The following COL6A5 variants were observed in gnomAD, a reference collection of about 807,000 sequenced individuals.
COL6A5 encodes collagen type VI alpha 5 chain.
Under a neutral mutation model 65.6 loss-of-function variants are expected in COL6A5, and 48 were observed. The observed-to-expected ratio is 0.73, with a 90% CI of 0.58 to 0.93. The LOEUF (loss-of-function observed/expected upper bound fraction) is 0.93, where lower values mean the gene tolerates loss of function less well. Ranked by LOEUF, COL6A5 falls within the 40% of genes least tolerant of loss-of-function variation. COL6A5 has a pLI of 0.00. For missense variants in COL6A5, 914 were observed against 928.3 expected (o/e 0.98, Z 0.20); for synonymous variants, 291 against 322.8 (o/e 0.90, Z 1.05).
intron 6 of COL6A5, among the ~76,000 whole-genome samples, chr3:130,390,031 G>A (rs1497320): frequency 0.56 from 85,405 of 152,026 alleles, 26,866 homozygotes; most frequent in Non-Finnish European, 0.72. Context: ...AAACACTTAA[G>A]TGTTAGGTGA....
intron 1 of COL6A5, among the ~76,000 whole-genome samples, chr3:130,438,383 T>A (rs759417305): frequency 3.9e-5 from 6 of 151,992 alleles, no homozygotes; most frequent in Middle Eastern, 3.2e-3. Context: ...AATAAATATT[T>A]GTTGAATGAA....
chr3:130,413,517 T>C (rs1469107115), intron 20 of COL6A5, 28 bp from the exon 21 acceptor site: 3 of 1,544,260 alleles, frequency 1.9e-6, no homozygotes, highest in Admixed American at 2.0e-5. Context: ...GACATCCACA[T>C]ACTAACAGTT....
chr3:130,462,741 G>C (rs527792015), intron 5 of COL6A5, among the ~76,000 whole-genome samples: 1 of 152,042 alleles, frequency 6.6e-6, no homozygotes. Flanking sequence ...CATTTAGTTC[G>C]TATATAGTTG....
At chr3:130,381,987 A>C (rs1167569488) in intron 4 of COL6A5, among the ~76,000 whole-genome samples, 1 of 152,020 alleles carries the variant, frequency 6.6e-6, no homozygotes, top group African/African-American at 2.4e-5. Flanking sequence ...TTGGTACCTG[A>C]CTTAAGTTGG....
chr3:130,411,300 A>G (rs1937169103), intron 20 of COL6A5, among the ~76,000 whole-genome samples: 1 of 152,228 alleles, frequency 6.6e-6, no homozygotes, highest in Admixed American at 6.5e-5. Context: ...CATGGACATC[A>G]TTAGAAGAGA....
chr3:130,400,103 A>G (rs1936767650), intron 10 of COL6A5, among the ~76,000 whole-genome samples: 1 of 152,044 alleles, frequency 6.6e-6, no homozygotes, highest in African/African-American at 2.4e-5. Context: ...GTCCTTGCCT[A>G]GAGCTTCCTC....
intron 5 of COL6A5, among the ~76,000 whole-genome samples, chr3:130,463,446 A>T (rs1477114610): frequency 1.3e-5 from 2 of 152,062 alleles, no homozygotes; most frequent in Non-Finnish European, 2.9e-5. Flanking sequence ...AGTCCTTCAG[A>T]GTCTCCCTTC....
At chr3:130,427,599 G>A (rs991092362), upstream of COL6A5, among the ~76,000 whole-genome samples, 5 of 152,036 alleles carry the variant, frequency 3.3e-5, no homozygotes, top group East Asian at 7.7e-4. Context: ...TGAAACGATC[G>A]ACCCCAGTGA....
At chr3:130,387,598 G>T (rs1936238912) in intron 5 of COL6A5, among the ~76,000 whole-genome samples, 1 of 152,006 alleles carries the variant, frequency 6.6e-6, no homozygotes, top group African/African-American at 2.4e-5. Flanking sequence ...TGGTGGATCA[G>T]AATGTGACCT....
chr3:130,480,774 C>T (rs1262892209), intron 7 of COL6A5, among the ~76,000 whole-genome samples: 1 of 152,132 alleles, frequency 6.6e-6, no homozygotes, highest in Non-Finnish European at 1.5e-5. Flanking sequence ...AGGCTGGAAC[C>T]TCTCTAAGAT....
intron 1 of COL6A5, among the ~76,000 whole-genome samples, chr3:130,435,683 T>A (rs1229711583): frequency 5.3e-5 from 8 of 152,162 alleles, no homozygotes; most frequent in Non-Finnish European, 1.0e-4. Context: ...AAGTATTGTA[T>A]TCTCTTTGTG....
chr3:130,471,316 G>C (rs924996583), intron 7 of COL6A5, among the ~76,000 whole-genome samples: 1 of 151,948 alleles, frequency 6.6e-6, no homozygotes, highest in Admixed American at 6.6e-5. Context: ...AACAATTTTA[G>C]AGCAGAATAA....
chr3:130,423,917 G>A lies in COL6A5; in HGVS notation c.5163+17G>A, dbSNP rs1013437787. ...GGACAGAGAGTAAGTGTATCCATAA[G>A]AACTAAATAGGATATAGTAGTTTCC... On this transcript the variant is annotated intron_variant and NMD_transcript_variant, in intron 29 of 41. Transcript: ENST00000312481. The A allele has an allele frequency of 1.3e-6, 2 of 1,527,642 alleles. No homozygotes were observed. Among genetic ancestry groups the A allele is most frequent in the African/African-American group, 1.4e-5 (1 of 72,508 alleles). 94.6% of individuals were successfully genotyped at this position (1,527,642 alleles called of 1,614,324 possible).
intron 5 of COL6A5, 144 bp downstream of exon 37, chr3:130,455,810 T>A: frequency 1.5e-6 from 1 of 647,668 alleles, no homozygotes; most frequent in Non-Finnish European, 2.7e-6. Flanking sequence ...ACTTCTACTT[T>A]TATTGAAATT....
In COL6A5 at chr3:130,403,667, G is replaced by A; in HGVS notation, c.4281+5G>A. 1 of 1,549,578 alleles carries A rather than the reference G, an allele frequency of 6.5e-7. No individual in the cohort carries two copies. The highest frequency in any genetic ancestry group is 8.7e-7 in the Non-Finnish European group (1 of 1,145,658). ...AGGGGAGAGGATGGAAACCCTGTAA[G>A]TTTTTATTACTCCCCCTCACCCCCT... On this transcript the variant is annotated splice_donor_5th_base_variant and intron_variant and NMD_transcript_variant, in intron 13 of 41. Transcript: ENST00000312481.
chr3:130,362,306 ATATATATATATATATATATATTTTTTTT>A (rs1559857948), intron 1 of COL6A5, among the ~76,000 whole-genome samples: 8 of 19,578 alleles, frequency 4.1e-4, no homozygotes, highest in African/African-American at 6.6e-4. Flanking sequence ...ATATATATAT[ATATATATATATATATATATATTTTTTTT>A]TTTTTTTTTT....
intron 7 of COL6A5, among the ~76,000 whole-genome samples, chr3:130,480,418 A>C (rs906072162): frequency 2.6e-5 from 4 of 152,052 alleles, no homozygotes; most frequent in African/African-American, 9.7e-5. Flanking sequence ...AAATATTTTA[A>C]AGCATATAAA....
chr3:130,370,886 G>A (rs1559862484), intron 1 of COL6A5, among the ~76,000 whole-genome samples: 1 of 152,160 alleles, frequency 6.6e-6, no homozygotes, highest in Non-Finnish European at 1.5e-5. Flanking sequence ...AAGAAAGAAT[G>A]GGAGCAGAGC....
At chr3:130,469,887 G>A (rs1184593413) in intron 6 of COL6A5, among the ~76,000 whole-genome samples, 2 of 152,016 alleles carry the variant, frequency 1.3e-5, no homozygotes, top group Non-Finnish European at 2.9e-5. Context: ...GTAATAATTA[G>A]TAAATTCTAG....
Sources: gnomAD v4.1 joint callset for allele counts (sites outside exome capture counted in the v4.1 genomes callset) on GRCh38, gnomAD v4.1.1 for gene constraint, MANE v1.5 for transcripts, NCBI Gene and HGNC (gene_info 2026-07-23, HGNC 2026-07-21) for gene names.